The following NELL1 variants were observed in gnomAD, a reference collection of about 807,000 sequenced individuals.
NELL1 encodes the protein neural EGFL like 1.
NELL1 carries 76 observed loss-of-function variants against 107.4 expected under a neutral mutation model. The observed-to-expected ratio is 0.71, with a 90% CI of 0.59 to 0.86. NELL1 has a LOEUF of 0.86. Ranked by LOEUF, NELL1 falls within the 40% of genes least tolerant of loss-of-function variation. The pLI is 0.00. For missense variants in NELL1, 1,024 were observed against 1,005.5 expected (o/e 1.02, Z -0.25); for synonymous variants, 353 against 341.2 (o/e 1.03, Z -0.38).
intron 17 of NELL1, among the ~76,000 whole-genome samples, chr11:21,567,171 G>A (rs527359778): frequency 6.6e-6 from 1 of 151,932 alleles, no homozygotes; most frequent in South Asian, 2.1e-4. Flanking sequence ...GAGTGATAGT[G>A]TGCCATTGGA....
chr11:20,670,245 G>A (rs1853866389), intron 1 of NELL1, among the ~76,000 whole-genome samples: 1 of 152,156 alleles, frequency 6.6e-6, no homozygotes, highest in Non-Finnish European at 1.5e-5. Context: ...CCGGGGCCCG[G>A]GAGGGCGCGG....
At chr11:21,509,203 A>G (rs1855372888) in intron 15 of NELL1, among the ~76,000 whole-genome samples, 1 of 152,208 alleles carries the variant, frequency 6.6e-6, no homozygotes, top group South Asian at 2.1e-4. Context: ...GGCAAAAACT[A>G]AAATTTCTGA....
chr11:21,346,856 G>T (rs1212949225), intron 14 of NELL1, among the ~76,000 whole-genome samples: 1 of 151,900 alleles, frequency 6.6e-6, no homozygotes, highest in Non-Finnish European at 1.5e-5. Flanking sequence ...CTACTCAAAA[G>T]CCATTTACTA....
intron 2 of NELL1, among the ~76,000 whole-genome samples, chr11:20,695,994 T>C (rs1854605118): frequency 6.6e-6 from 1 of 152,102 alleles, no homozygotes; most frequent in South Asian, 2.1e-4. Flanking sequence ...AATTCCTTCT[T>C]GGTTCAATCA....
At chr11:20,802,287 G>T (rs1245065174) in intron 3 of NELL1, among the ~76,000 whole-genome samples, 2 of 151,910 alleles carry the variant, frequency 1.3e-5, no homozygotes, top group African/African-American at 4.8e-5. Flanking sequence ...CAAGTTTTCT[G>T]TATAGAGATC....
At chr11:20,745,028 T>C (rs1855972462) in intron 2 of NELL1, among the ~76,000 whole-genome samples, 1 of 152,222 alleles carries the variant, frequency 6.6e-6, no homozygotes, top group Admixed American at 6.5e-5. Context: ...CTCTACCACA[T>C]TACCCTATTT....
chr11:21,256,356 A>T (rs2133916822), intron 14 of NELL1, among the ~76,000 whole-genome samples: 1 of 152,190 alleles, frequency 6.6e-6, no homozygotes, highest in Non-Finnish European at 1.5e-5. Flanking sequence ...TGCACTGTGT[A>T]GTTAACAGAA....
rs1433670506 is a variant in NELL1, at chr11:20,755,893, T to G, written c.185-27787T>G. ...TTTTTTTTTTTTTTTTTTTTTTTTT[T>G]TTTTTTTTTTTTTTTATGAGACGGA... On this transcript the variant is annotated intron_variant, in intron 2 of 19. Transcript: ENST00000357134. 7.7e-5 allele frequency among the ~76,000 whole-genome samples: 10 copies of G among 129,112 alleles called. 1 individual carries two copies. The highest frequency in any genetic ancestry group is 4.7e-4 in the South Asian group (2 of 4,266). 84.7% of individuals were successfully genotyped at this position (129,112 alleles called of 152,430 possible). A position where few individuals can be genotyped will look rare whatever the true frequency, so the allele number is the denominator to read the frequency against.
chr11:20,980,959 C>T (rs1851737718), intron 12 of NELL1, among the ~76,000 whole-genome samples: 1 of 152,192 alleles, frequency 6.6e-6, no homozygotes, highest in South Asian at 2.1e-4. Flanking sequence ...TCCTTCCAGC[C>T]AGCAATCTGA....
At chr11:20,916,552 T>C (rs562380216) in intron 5 of NELL1, among the ~76,000 whole-genome samples, 1 of 151,944 alleles carries the variant, frequency 6.6e-6, no homozygotes, top group East Asian at 1.9e-4. Context: ...ATAAAAATAA[T>C]CTAGGGTCTT....
At chr11:21,014,676 T>C (rs1852525039) in intron 12 of NELL1, among the ~76,000 whole-genome samples, 1 of 152,132 alleles carries the variant, frequency 6.6e-6, no homozygotes, top group South Asian at 2.1e-4. Context: ...TTTATACATA[T>C]TTGTAAACCC....
intron 2 of NELL1, among the ~76,000 whole-genome samples, chr11:20,716,643 T>C (rs1284012264): frequency 2.6e-5 from 4 of 152,196 alleles, no homozygotes; most frequent in Non-Finnish European, 4.4e-5. Context: ...GGCTTATGTC[T>C]AGTGGCAAAA....
chr11:21,104,572 T>C (rs1190418786), intron 12 of NELL1, among the ~76,000 whole-genome samples: 3 of 152,222 alleles, frequency 2.0e-5, no homozygotes, highest in Non-Finnish European at 4.4e-5. Flanking sequence ...TCATGGTGTA[T>C]GTAACCTTGT....
intron 15 of NELL1, among the ~76,000 whole-genome samples, chr11:21,451,457 G>A (rs1955066): frequency 0.12 from 18,656 of 151,882 alleles, 2,935 homozygotes; most frequent in African/African-American, 0.36. Context: ...TTTTCCTGGA[G>A]ACAATTATCC....
chr11:21,432,135 A>C (rs971539689), intron 15 of NELL1, among the ~76,000 whole-genome samples: 1 of 152,196 alleles, frequency 6.6e-6, no homozygotes. Flanking sequence ...ATTTCTTTAG[A>C]GTAAGGACCA....
intron 14 of NELL1, among the ~76,000 whole-genome samples, chr11:21,231,571 G>A (rs1858051187): frequency 6.6e-6 from 1 of 152,132 alleles, no homozygotes; most frequent in Non-Finnish European, 1.5e-5. Context: ...GGATTTTAAT[G>A]CACTTTTTTT....
intron 15 of NELL1, among the ~76,000 whole-genome samples, chr11:21,429,994 T>C (rs960100704): frequency 3.9e-5 from 6 of 152,164 alleles, no homozygotes; most frequent in Non-Finnish European, 7.4e-5. Flanking sequence ...ACAAAGACAA[T>C]TTCTATACGG....
Position 21,046,946 on chromosome 11 carries a change from G to A in NELL1, c.1301-66643G>A, listed in dbSNP as rs960639629. 1.4e-4 allele frequency among the ~76,000 whole-genome samples: 21 copies of A among 151,538 alleles called. 1 individual carries two copies. Among genetic ancestry groups the A allele is most frequent in the Admixed American group, 1.4e-3 (21 of 15,158 alleles). On this transcript the variant is annotated intron_variant, in intron 12 of 19. Transcript: ENST00000357134. ...TGCCCAGGCTGGTCTTGAATACTTGGGCTCAAGTGATACTCTCACCTTGGC... is the reference window on the plus strand; with the variant it reads ...TGCCCAGGCTGGTCTTGAATACTTGAGCTCAAGTGATACTCTCACCTTGGC...
chr11:21,544,785 C>T (rs796562038), intron 16 of NELL1, among the ~76,000 whole-genome samples: 4 of 151,770 alleles, frequency 2.6e-5, no homozygotes, highest in Non-Finnish European at 4.4e-5. Flanking sequence ...ATAAAACACA[C>T]TAATTGAAAA....
Sources: gnomAD v4.1 joint callset for allele counts (sites outside exome capture counted in the v4.1 genomes callset) on GRCh38, gnomAD v4.1.1 for gene constraint, MANE v1.5 for transcripts, NCBI Gene and HGNC (gene_info 2026-07-23, HGNC 2026-07-21) for gene names.